The following CAMTA1 variants were observed in gnomAD, a reference collection of about 807,000 sequenced individuals.
CAMTA1 encodes the protein calmodulin-binding transcription activator 1.
CAMTA1 carries 27 observed loss-of-function variants against 170.9 expected under a neutral mutation model. The ratio of observed to expected loss-of-function variants is 0.16; its 90% CI spans 0.12 to 0.22. The LOEUF (loss-of-function observed/expected upper bound fraction) is 0.22. Ranked by LOEUF, CAMTA1 falls within the 10% of genes least tolerant of loss-of-function variation. CAMTA1 has a pLI of 1.00. For synonymous variants in CAMTA1, 833 were observed against 891.5 expected (o/e 0.93, Z 1.17); for missense variants, 1,619 against 2,217.2 (o/e 0.73, Z 5.42).
At chr1:7,073,483 G>T (rs1230524712) in intron 3 of CAMTA1, among the ~76,000 whole-genome samples, 1 of 152,132 alleles carries the variant, frequency 6.6e-6, no homozygotes. Flanking sequence ...TGGTGAACAA[G>T]GCCCAGGGGA....
intron 6 of CAMTA1, among the ~76,000 whole-genome samples, chr1:7,515,710 T>C (rs1231342229): frequency 3.3e-5 from 5 of 152,046 alleles, no homozygotes; most frequent in Non-Finnish European, 7.4e-5. Context: ...TTCCCCTCCT[T>C]CGTCCCCTGC....
At chr1:6,851,149 G>A (rs539185003) in intron 3 of CAMTA1, among the ~76,000 whole-genome samples, 1 of 152,168 alleles carries the variant, frequency 6.6e-6, no homozygotes, top group Non-Finnish European at 1.5e-5. Flanking sequence ...GATCCAGATA[G>A]TGAAGTTATT....
intron 5 of CAMTA1, among the ~76,000 whole-genome samples, chr1:7,454,060 G>A (rs1000386072): frequency 6.6e-6 from 1 of 152,258 alleles, no homozygotes; most frequent in South Asian, 2.1e-4. Flanking sequence ...CAGTGGGGAG[G>A]GGATCCCAGA....
chr1:7,340,154 G>C (rs2083692080), intron 5 of CAMTA1, among the ~76,000 whole-genome samples: 1 of 152,208 alleles, frequency 6.6e-6, no homozygotes, highest in Non-Finnish European at 1.5e-5. Context: ...TAGACGATAT[G>C]TAAACAAATG....
Position 7,035,657 on chromosome 1 carries a change from G to T in CAMTA1, c.235-55647G>T, listed in dbSNP as rs565202425. On this transcript the variant is annotated intron_variant, in intron 3 of 22. Transcript: ENST00000303635. ...CAATTCTTGGTGTTTTACAAAAATG[G>T]TTCTGACCTCTCTGTCTCCCAAAAG... Among the ~76,000 whole-genome samples the T allele has an allele frequency of 3.9e-5, 6 of 152,292 alleles. No homozygotes were observed. The East Asian group carries it at 1.2e-3, about 29-fold the overall frequency.
chr1:7,689,053 G>C (rs944521366), intron 11 of CAMTA1, among the ~76,000 whole-genome samples: 2 of 152,090 alleles, frequency 1.3e-5, no homozygotes, highest in Non-Finnish European at 1.5e-5. Context: ...CATAAGGTCA[G>C]GAGTTCAAGA....
chr1:7,383,168 C>T (rs1003741718), intron 5 of CAMTA1, among the ~76,000 whole-genome samples: 2 of 152,142 alleles, frequency 1.3e-5, no homozygotes, highest in South Asian at 4.2e-4. Context: ...GGGTCGTAAC[C>T]CTGCAGGGCT....
chr1:7,000,247 G>T (rs1343652578), intron 3 of CAMTA1, among the ~76,000 whole-genome samples: 1 of 152,240 alleles, frequency 6.6e-6, no homozygotes, highest in African/African-American at 2.4e-5. Flanking sequence ...CGGTCCTGCA[G>T]CCCCCTGCGT....
In CAMTA1 at chr1:7,547,255, A is replaced by G. The variant is rs897478611; in HGVS notation, c.510+79354A>G. 1.3e-5 allele frequency among the ~76,000 whole-genome samples: 2 copies of G among 152,016 alleles called. No individual in the cohort carries two copies. The highest frequency in any genetic ancestry group is 6.6e-5 in the Admixed American group (1 of 15,260). ...AGAAACCTGGTTTCTTTTAGTGGAAAGTGGTGTTTAGAAGCCAAGATCTGG... is the reference window on the plus strand; with the variant it reads ...AGAAACCTGGTTTCTTTTAGTGGAAGGTGGTGTTTAGAAGCCAAGATCTGG... On this transcript the variant is annotated intron_variant, in intron 6 of 22. Coordinates refer to ENST00000303635, the MANE Select transcript of CAMTA1 (RefSeq NM_015215.4). The surrounding 1 kb of genome is among the most constrained non-coding windows in gnomAD (Gnocchi z 5.7).
chr1:7,270,291 A>ATT lies in CAMTA1; in HGVS notation c.438+20679_438+20680dup, dbSNP rs34768255. ...CACACACACATATATATATATATAT[A>ATT]TTTTTTTTTTTTTTTCTTGTGAGAT... On this transcript the variant is annotated intron_variant, in intron 5 of 22. Coordinates refer to ENST00000303635, the MANE Select transcript of CAMTA1 (RefSeq NM_015215.4). Among the ~76,000 whole-genome samples, 262 of 110,490 alleles carry ATT rather than the reference A, an allele frequency of 2.4e-3. 4 individuals are homozygous for ATT. Among genetic ancestry groups the ATT allele is most frequent in the East Asian group, 7.6e-3 (23 of 3,014 alleles). 72.5% of individuals were successfully genotyped at this position (110,490 alleles called of 152,430 possible).
chr1:7,766,584 C>A lies in CAMTA1; in HGVS notation c.*93C>A, dbSNP rs546464639. The A allele has an allele frequency of 1.2e-4, 115 of 981,740 alleles. 4 individuals are homozygous for A. The South Asian group carries it at 1.5e-3, about 13-fold the overall frequency. The allele number at this position is 981,740 out of a possible 1,614,324, so 60.8% of individuals were successfully genotyped here. On this transcript the variant is annotated 3_prime_UTR_variant, in exon 23 of 23. Coordinates refer to ENST00000303635, the MANE Select transcript of CAMTA1 (RefSeq NM_015215.4). ...CAGAGACATGCAACAACAACACACA[C>A]GCACACACGCACACACACACACGTA...
At chr1:7,271,701 A>G (rs1351463463) in intron 5 of CAMTA1, among the ~76,000 whole-genome samples, 1 of 152,156 alleles carries the variant, frequency 6.6e-6, no homozygotes, top group Non-Finnish European at 1.5e-5. Flanking sequence ...AAAGAGCTAA[A>G]AAAGAGATCA....
intron 4 of CAMTA1, among the ~76,000 whole-genome samples, chr1:7,201,358 G>A (rs576805290): frequency 6.6e-6 from 1 of 152,204 alleles, no homozygotes; most frequent in South Asian, 2.1e-4. Context: ...ACATGTTTTT[G>A]TGTAGACATA....
At chr1:7,374,227 A>G (rs1425107371) in intron 5 of CAMTA1, among the ~76,000 whole-genome samples, 5 of 152,388 alleles carry the variant, frequency 3.3e-5, no homozygotes, top group Middle Eastern at 3.4e-3. Context: ...AAATTCGAAT[A>G]GAGCCCTTAT....
chr1:7,413,379 A>T (rs368891516), intron 5 of CAMTA1, among the ~76,000 whole-genome samples: 3 of 152,038 alleles, frequency 2.0e-5, no homozygotes, highest in Non-Finnish European at 4.4e-5. Context: ...TGATTCTTCC[A>T]ACCCATGAGC....
intron 6 of CAMTA1, among the ~76,000 whole-genome samples, chr1:7,579,051 G>A (rs1216813402): frequency 6.6e-6 from 1 of 152,236 alleles, no homozygotes; most frequent in African/African-American, 2.4e-5. Flanking sequence ...GGCTTATGGA[G>A]GGATTGACAG....
At chr1:7,052,828 G>A (rs544173029) in intron 3 of CAMTA1, among the ~76,000 whole-genome samples, 14 of 152,200 alleles carry the variant, frequency 9.2e-5, no homozygotes, top group South Asian at 4.2e-4. Context: ...ACCCTCCTCC[G>A]TGCTGTCAAT....
chr1:6,787,336 T>G (rs558266212), intron 1 of CAMTA1, among the ~76,000 whole-genome samples: 105 of 152,264 alleles, frequency 6.9e-4, no homozygotes, highest in Non-Finnish European at 1.1e-3. Flanking sequence ...GGCTCTGGTG[T>G]TGTCTCTTGT....
At chr1:6,913,570 G>C (rs182830621) in intron 3 of CAMTA1, among the ~76,000 whole-genome samples, 2 of 152,264 alleles carry the variant, frequency 1.3e-5, no homozygotes, top group African/African-American at 4.8e-5. Context: ...CTTCTTCCCA[G>C]AAGTTTCTTC....
Sources: gnomAD v4.1 joint callset for allele counts (sites outside exome capture counted in the v4.1 genomes callset) on GRCh38, gnomAD v4.1.1 for gene constraint, Gnocchi (gnomAD v3.1) non-coding constraint, MANE v1.5 for transcripts, NCBI Gene and HGNC (gene_info 2026-07-23, HGNC 2026-07-21) for gene names.